Variants in MBP observed in about 807,000 individuals in gnomAD.
MBP encodes myelin basic protein.
Under a neutral mutation model 35.8 loss-of-function variants are expected in MBP, and 16 were observed. The ratio of observed to expected loss-of-function variants is 0.45; its 90% confidence interval spans 0.30 to 0.68. MBP has a LOEUF of 0.68. Among genes scored for constraint, MBP ranks in the 30% least tolerant of loss-of-function variants. MBP has a pLI of 0.08. For missense variants in MBP, 380 were observed against 404.7 expected, an observed-to-expected ratio of 0.94 and a Z score of 0.52; for synonymous variants, 143 against 159.6, an observed-to-expected ratio of 0.90 and a Z score of 0.78.
chr18:77,019,393 C>T (rs995568170), intron 3 of MBP, among the ~76,000 whole-genome samples: 6 of 152,166 alleles, frequency 3.9e-5, no homozygotes, highest in African/African-American at 1.4e-4. Context: ...AGTTTGGACA[C>T]AGCCACAGAT....
intron 3 of MBP, among the ~76,000 whole-genome samples, chr18:77,051,366 G>A (rs1029921123): frequency 6.6e-6 from 1 of 152,292 alleles, no homozygotes; most frequent in African/African-American, 2.4e-5. Flanking sequence ...CTACTTAAAT[G>A]GTCACATCCA....
chr18:77,038,898 G>A (rs1195939477), intron 3 of MBP, among the ~76,000 whole-genome samples: 2 of 152,186 alleles, frequency 1.3e-5, no homozygotes, highest in Non-Finnish European at 2.9e-5. Context: ...CGATATCACT[G>A]GTTAGTATGG....
At chr18:77,014,405 G>A (rs1347395064) in intron 4 of MBP, 8 of 985,324 alleles carry the variant, frequency 8.1e-6, no homozygotes, top group African/African-American at 1.7e-5. Flanking sequence ...GGAAAACCTC[G>A]TTCTAGATAG....
intron 1 of MBP, chr18:77,108,532 A>G (rs1160918230): frequency 2.0e-5 from 3 of 152,234 alleles, no homozygotes; most frequent in African/African-American, 7.2e-5. Flanking sequence ...ATTCAGTTCT[A>G]GATCCGATTT....
chr18:77,044,972 G>T lies in MBP; in HGVS notation c.139+21326C>A, dbSNP rs1973175049. 2.0e-5 allele frequency among the ~76,000 whole-genome samples: 3 copies of T among 151,100 alleles called. No individual in the cohort carries two copies. Among genetic ancestry groups the T allele is most frequent in the African/African-American group, 7.3e-5 (3 of 41,060 alleles). On this transcript the variant is annotated intron_variant, in intron 3 of 8. Coordinates refer to ENST00000355994, the MANE Select transcript of MBP (RefSeq NM_001025101.2). This position sits in a 1 kb window ranked among gnomAD's most constrained non-coding sequence, Gnocchi z 4.4. ...GTGTGTGTAAGTGTGGTGTGTGAGT[G>T]TGGAGTGTGTGAGTGTTCAAGATTC...
chr18:77,085,425 G>A (rs1975181497), intron 2 of MBP, among the ~76,000 whole-genome samples: 1 of 152,182 alleles, frequency 6.6e-6, no homozygotes, highest in Admixed American at 6.5e-5. Context: ...CTCTCCCACT[G>A]TGGAATAGGC....
Position 76,990,039 on chromosome 18 carries a change from T to C in MBP, c.598A>G (p.Thr200Ala), listed in dbSNP as rs1489923881. 1 of 1,612,902 alleles carries C rather than the reference T, an allele frequency of 6.2e-7. No homozygotes were observed. The highest frequency in any genetic ancestry group is 1.1e-5 in the South Asian group (1 of 90,984). ...TGGGGCAGGGAGCCGTAGTGAGCAG[T>C]TCTTGCCGGGTGGTGTGAGTCCTGA... ...SGKDSHHPAR[T>A]AHYGSLPQKS... Residue 200 changes from threonine to alanine, a missense_variant, in exon 5 of 9, where the codon ACT becomes GCT. Transcript: ENST00000355994.
At chr18:77,007,586 C>T (rs182777568) in intron 4 of MBP, among the ~76,000 whole-genome samples, 16 of 152,334 alleles carry the variant, frequency 1.1e-4, no homozygotes, top group Admixed American at 2.6e-4. Context: ...TTTCAACTTA[C>T]GCTTATCTTC....
Position 77,102,463 on chromosome 18 carries a change from G to C in MBP, c.51+2748C>G, listed in dbSNP as rs1195743379. Among the ~76,000 whole-genome samples, 4 of 151,964 alleles carry C rather than the reference G, an allele frequency of 2.6e-5. No homozygotes were observed. Among genetic ancestry groups the C allele is most frequent in the African/African-American group, 7.3e-5 (3 of 41,362 alleles). ...CAGAACATGTACATGTACTTGGAAG[G>C]GCACAAAATATTTCCCATCAAGTTT... On this transcript the variant is annotated intron_variant, in intron 2 of 8. Coordinates refer to ENST00000355994, the MANE Select transcript of MBP (RefSeq NM_001025101.2). The surrounding 1 kb of genome is among the most constrained non-coding windows in gnomAD (Gnocchi z 4.4).
intron 3 of MBP, among the ~76,000 whole-genome samples, chr18:77,031,573 A>T (rs1972542033): frequency 6.6e-6 from 1 of 152,262 alleles, no homozygotes. Context: ...CACAATTTCC[A>T]GGGTACTGTT....
chr18:77,049,419 C>T (rs1237347642), intron 3 of MBP, among the ~76,000 whole-genome samples: 2 of 152,192 alleles, frequency 1.3e-5, no homozygotes, highest in Non-Finnish European at 2.9e-5. Context: ...AATTTATAGT[C>T]TGTTTCTTTT....
At chr18:77,113,697 TAGAAC>T (rs1434332066) in intron 1 of MBP, 2 of 152,642 alleles carry the variant, frequency 1.3e-5, no homozygotes, top group Admixed American at 6.5e-5. Context: ...AGTGACCTAA[TAGAAC>T]AGAATCTGCG....
intron 1 of MBP, among the ~76,000 whole-genome samples, chr18:77,132,209 C>A (rs1977304207): frequency 6.6e-6 from 1 of 152,138 alleles, no homozygotes; most frequent in African/African-American, 2.4e-5. Context: ...CCTGGGACCG[C>A]CGGGCCTGGC....
intron 4 of MBP, chr18:77,013,082 CGATCAATAACTGATCA>C: frequency 1.0e-6 from 1 of 985,336 alleles, no homozygotes; most frequent in Non-Finnish European, 1.2e-6. Flanking sequence ...GGGTAGCCTC[CGATCAATAACTGATCA>C]GAGTAATGAG....
At chr18:77,075,448 C>T (rs150991336) in intron 2 of MBP, among the ~76,000 whole-genome samples, 23 of 152,326 alleles carry the variant, frequency 1.5e-4, no homozygotes, top group East Asian at 7.7e-4. Flanking sequence ...CACGTCCAGA[C>T]GGCAGCGAGA....
At position 77,007,119 on chromosome 18, in the gene MBP, C is replaced by A. The variant is rs143507350; in HGVS notation, c.576+9713G>T. On this transcript the variant is annotated intron_variant, in intron 4 of 8. Coordinates refer to ENST00000355994, the MANE Select transcript of MBP (RefSeq NM_001025101.2). ...TCCGTTGGGAGCTGACTTCAAGGGT[C>A]CTTTGTCATGGAATCCCTGCATTTT... Among the ~76,000 whole-genome samples, 1,325 of 152,336 alleles carry A rather than the reference C, an allele frequency of 8.7e-3. 27 individuals carry two copies. The highest frequency in any genetic ancestry group is 0.03 in the African/African-American group (1,235 of 41,570).
chr18:77,083,078 A>G (rs1313143891), intron 2 of MBP, among the ~76,000 whole-genome samples: 1 of 151,850 alleles, frequency 6.6e-6, no homozygotes, highest in Non-Finnish European at 1.5e-5. Context: ...GATTTGAACG[A>G]TTCTCATGCC....
intron 1 of MBP, among the ~76,000 whole-genome samples, chr18:77,111,016 A>T (rs1568344816): frequency 6.6e-6 from 1 of 151,944 alleles, no homozygotes; most frequent in East Asian, 1.9e-4. Context: ...GGGACCTTAA[A>T]GCTGAGCTGG....
intron 3 of MBP, among the ~76,000 whole-genome samples, chr18:77,046,577 T>C (rs1368736262): frequency 6.6e-6 from 1 of 152,228 alleles, no homozygotes; most frequent in African/African-American, 2.4e-5. Context: ...CTGTCTTCCC[T>C]GCACCTCTGG....
Sources: allele counts gnomAD v4.1 joint callset (sites outside exome capture counted in the v4.1 genomes callset), GRCh38; gene constraint gnomAD v4.1.1; non-coding constraint Gnocchi (gnomAD v3.1); transcripts MANE v1.5; gene names NCBI Gene and HGNC (gene_info 2026-07-23, HGNC 2026-07-21).